The following KCNG2 variants were observed in gnomAD, a reference collection of about 807,000 sequenced individuals.
The protein encoded by KCNG2 is potassium voltage-gated channel modifier subfamily G member 2, also known as voltage-gated potassium channel regulatory subunit KCNG2.
A neutral mutation model predicts 12.3 loss-of-function variants in KCNG2; 7 were observed. That is an observed-to-expected ratio of 0.57 (90% CI 0.32 to 1.07). The LOEUF is 1.07. Among genes scored for constraint, KCNG2 ranks in the 50% least tolerant of loss-of-function variants. The pLI is 0.04. For missense variants in KCNG2, 703 were observed against 726.0 expected (o/e 0.97, Z 0.36); for synonymous variants, 414 against 351.4 (o/e 1.18, Z -1.99).
chr18:79,835,762 T>C (rs563268916), intron 1 of KCNG2, among the ~76,000 whole-genome samples: 3 of 152,230 alleles, frequency 2.0e-5, no homozygotes, highest in Non-Finnish European at 2.9e-5. Context: ...AAGACTATTA[T>C]TTACAGATGG....
At chr18:79,814,191 C>T (rs149478253) in intron 1 of KCNG2, among the ~76,000 whole-genome samples, 36 of 152,244 alleles carry the variant, frequency 2.4e-4, no homozygotes, top group Non-Finnish European at 4.3e-4. Context: ...AACAGTTTGG[C>T]TGTTTCTGAT....
intron 3 of KCNG2, among the ~76,000 whole-genome samples, chr18:79,888,654 T>C (rs1393219192): frequency 2.0e-5 from 3 of 152,184 alleles, no homozygotes; most frequent in African/African-American, 4.8e-5. Flanking sequence ...TTCCTGACAG[T>C]TGAGAGCTCT....
chr18:79,833,500 T>G (rs911167379), intron 1 of KCNG2, among the ~76,000 whole-genome samples: 4 of 152,236 alleles, frequency 2.6e-5, no homozygotes, highest in Non-Finnish European at 5.9e-5. Flanking sequence ...TGATTTTAAT[T>G]GTTTTTCTTT....
chr18:79,849,053 G>A (rs1310563942), intron 1 of KCNG2, among the ~76,000 whole-genome samples: 1 of 152,108 alleles, frequency 6.6e-6, no homozygotes, highest in East Asian at 1.9e-4. Flanking sequence ...AGAGGCCTGG[G>A]CCCGCGTTCT....
intron 1 of KCNG2, among the ~76,000 whole-genome samples, chr18:79,807,436 A>T (rs1294652900): frequency 1.3e-5 from 2 of 152,196 alleles, no homozygotes; most frequent in Non-Finnish European, 2.9e-5. Flanking sequence ...AAGAGAAGCA[A>T]GCGCTCAGTG....
At chr18:79,886,939 C>T (rs1328349392) in intron 3 of KCNG2, among the ~76,000 whole-genome samples, 6 of 6,122 alleles carry the variant, frequency 9.8e-4, no homozygotes, top group African/African-American at 1.2e-3. Context: ...AACATAGGGA[C>T]GTGGGGACAG....
chr18:79,809,486 ATGGGCCCAGAGTC>A (rs2087475958), intron 1 of KCNG2, among the ~76,000 whole-genome samples: 10 of 95,846 alleles, frequency 1.0e-4, no homozygotes, highest in African/African-American at 3.6e-4. Context: ...ACTCCACGTT[ATGGGCCCAGAGTC>A]CGCGCTCTGA....
intron 3 of KCNG2, among the ~76,000 whole-genome samples, chr18:79,866,014 CTG>C (rs1979511274): frequency 2.2e-5 from 3 of 134,036 alleles, no homozygotes; most frequent in Admixed American, 7.5e-5. Flanking sequence ...GCTGAGAGGT[CTG>C]GGTGCTGAGA....
In KCNG2 at chr18:79,798,703, C is replaced by T. The variant is rs553802475; in HGVS notation, c.-115+689C>T. On this transcript the variant is annotated intron_variant, in intron 1 of 3. Coordinates refer to ENST00000316249, the MANE Select transcript of KCNG2 (RefSeq NM_012283.2). Reference sequence around the variant, plus strand: ...CCCGGAGCCCATGCGCCCCGTCCTCCGGCCCGGGGAGCTCCCAGCCTTGCC... The same window carrying T: ...CCCGGAGCCCATGCGCCCCGTCCTCTGGCCCGGGGAGCTCCCAGCCTTGCC... 5.9e-5 allele frequency among the ~76,000 whole-genome samples: 9 copies of T among 152,350 alleles called. No homozygotes were observed. In the East Asian group the frequency reaches 1.4e-3, roughly 23 times the overall value.
chr18:79,805,059 T>C (rs2087438779), intron 1 of KCNG2, among the ~76,000 whole-genome samples: 1 of 152,248 alleles, frequency 6.6e-6, no homozygotes, highest in African/African-American at 2.4e-5. Flanking sequence ...TCTGTTTCTG[T>C]GTCCTCCTGT....
chr18:79,817,504 C>G (rs1016060932), intron 1 of KCNG2, among the ~76,000 whole-genome samples: 1 of 102,348 alleles, frequency 9.8e-6, no homozygotes, highest in African/African-American at 3.4e-5. Flanking sequence ...ACAGTTCTCA[C>G]ACACACAGTT....
chr18:79,875,383 A>G (rs892820071), intron 3 of KCNG2, among the ~76,000 whole-genome samples: 2 of 152,166 alleles, frequency 1.3e-5, no homozygotes, highest in African/African-American at 4.8e-5. Context: ...CCGAGCACAC[A>G]TTTCCATCTG....
At chr18:79,864,839 G>A (rs1250602669) in intron 3 of KCNG2, among the ~76,000 whole-genome samples, 4 of 131,454 alleles carry the variant, frequency 3.0e-5, no homozygotes, top group Non-Finnish European at 1.6e-5. Context: ...CGAGGTCTGT[G>A]TGCTGAGAAG....
intron 1 of KCNG2, among the ~76,000 whole-genome samples, chr18:79,821,207 A>G (rs906702957): frequency 5.9e-5 from 9 of 152,042 alleles, no homozygotes; most frequent in Admixed American, 1.3e-4. Flanking sequence ...CAACATCATG[A>G]AGATTTGACC....
chr18:79,859,393 G>T (rs1166618094), intron 2 of KCNG2, among the ~76,000 whole-genome samples: 2 of 152,194 alleles, frequency 1.3e-5, no homozygotes, highest in Non-Finnish European at 2.9e-5. Flanking sequence ...TCTGAGGAAG[G>T]CCACAGGCAG....
intron 1 of KCNG2, among the ~76,000 whole-genome samples, chr18:79,832,956 A>G (rs1367527596): frequency 1.3e-5 from 2 of 152,206 alleles, no homozygotes; most frequent in Non-Finnish European, 2.9e-5. Context: ...CTCCCCTGCT[A>G]TGAGCCTGGG....
chr18:79,839,925 C>G (rs188504586), intron 1 of KCNG2, among the ~76,000 whole-genome samples: 14 of 152,130 alleles, frequency 9.2e-5, no homozygotes, highest in Non-Finnish European at 1.6e-4. Flanking sequence ...AATAACACCT[C>G]TTTTGATAAA....
In KCNG2 at chr18:79,899,504, C is replaced by G; in HGVS notation, c.1089C>G (p.Ala363=). 1 of 1,607,786 alleles carries G rather than the reference C, an allele frequency of 6.2e-7. No individual in the cohort carries two copies. The highest frequency in any genetic ancestry group is 8.5e-7 in the Non-Finnish European group (1 of 1,177,922). ...GCGTGCCCGCCAGCTATTGGTGGGC[C>G]GTCATCTCCATGACCACCGTGGGCT... ...FSSVPASYWW[A]VISMTTVGYG... The change falls in exon 4 of 4, where the codon GCC becomes GCG. Residue 363 remains alanine (A), a synonymous_variant. Transcript: ENST00000316249.
intron 1 of KCNG2, among the ~76,000 whole-genome samples, chr18:79,846,680 C>T (rs1453263423): frequency 6.6e-6 from 1 of 152,130 alleles, no homozygotes; most frequent in East Asian, 1.9e-4. Context: ...TTCATTGGCA[C>T]ACTAAATATT....
Sources: gnomAD v4.1 joint callset for allele counts (sites outside exome capture counted in the v4.1 genomes callset) on GRCh38, gnomAD v4.1.1 for gene constraint, MANE v1.5 for transcripts, NCBI Gene and HGNC (gene_info 2026-07-23, HGNC 2026-07-21) for gene names.